Variants in S100B observed in about 807,000 individuals in gnomAD.
S100B encodes the protein S100 calcium binding protein B.
Under a neutral mutation model 7.7 loss-of-function variants are expected in S100B, and 6 were observed. The ratio of observed to expected loss-of-function variants is 0.78; its 90% confidence interval spans 0.43 to 1.54. S100B has a LOEUF of 1.54. Ranked by LOEUF, S100B falls within the 40% of genes most tolerant of loss-of-function variation. The pLI is 0.01. For synonymous variants in S100B, 36 were observed against 40.4 expected (o/e 0.89, Z 0.41); for missense variants, 99 against 111.8 (o/e 0.89, Z 0.52).
rs11542306 is a variant in S100B, at chr21:46,599,459, C to T, written c.183G>A (p.Leu61=). The change falls in exon 3 of 3, where the codon CTG becomes CTA. Residue 61 remains leucine, a synonymous_variant. Coordinates refer to ENST00000291700, the MANE Select transcript of S100B (RefSeq NM_006272.3). ...QEVVDKVMET[L]DNDGDGECDF... is the part of the protein sequence containing the mutation. Reference sequence around the variant, plus strand: ...CACATTCGCCGTCTCCATCATTGTCCAGTGTTTCCATGACTTTGTCCACAA... The same window carrying T: ...CACATTCGCCGTCTCCATCATTGTCTAGTGTTTCCATGACTTTGTCCACAA... 1.2e-6 allele frequency: 2 copies of T among 1,613,862 alleles called. No homozygotes were observed. Among genetic ancestry groups the T allele is most frequent in the Non-Finnish European group, 1.7e-6 (2 of 1,179,838 alleles).
chr21:46,599,234 G>C lies in S100B; in HGVS notation c.*129C>G. ...AGGTTTTCAATTTTTCAATCACAAA[G>C]CAAATCAAGCTTCCTAATTAGCTAC... On this transcript the variant is annotated 3_prime_UTR_variant, in exon 3 of 3. Coordinates refer to ENST00000291700, the MANE Select transcript of S100B (RefSeq NM_006272.3). 3.5e-6 allele frequency: 3 copies of C among 852,240 alleles called. No individual in the cohort carries two copies. In the South Asian group the frequency reaches 5.0e-5, roughly 14 times the overall value. The allele number at this position is 852,240 out of a possible 1,614,324, so 52.8% of individuals were successfully genotyped here. A position where few individuals can be genotyped will look rare whatever the true frequency, so the allele number is the denominator to read the frequency against.
At chr21:46,603,485 C>T (rs1470053138) in intron 1 of S100B, among the ~76,000 whole-genome samples, 3 of 151,260 alleles carry the variant, frequency 2.0e-5, no homozygotes, top group Non-Finnish European at 2.9e-5. Flanking sequence ...CCACAGCCTA[C>T]GAACCAAGGA....
At chr21:46,599,622 A>G in intron 2 of S100B, 119 bp from the exon 3 acceptor site, 1 of 897,814 alleles carries the variant, frequency 1.1e-6, no homozygotes, top group South Asian at 1.4e-5. Flanking sequence ...AAGAACATCA[A>G]ATGCAAAATA....
intron 2 of S100B, among the ~76,000 whole-genome samples, chr21:46,601,462 C>T (rs2061041133): frequency 6.6e-6 from 1 of 152,154 alleles, no homozygotes; most frequent in African/African-American, 2.4e-5. Context: ...CAGTTCACTT[C>T]CATGAGGGCA....
chr21:46,604,436 T>G (rs2061051823), intron 1 of S100B, among the ~76,000 whole-genome samples: 1 of 152,096 alleles, frequency 6.6e-6, no homozygotes, highest in Non-Finnish European at 1.5e-5. Flanking sequence ...CTGAGGAAAG[T>G]TAAAACCCAC....
intron 1 of S100B, among the ~76,000 whole-genome samples, chr21:46,604,152 T>C (rs1569137839): frequency 6.6e-6 from 1 of 152,170 alleles, no homozygotes; most frequent in South Asian, 2.1e-4. Context: ...CACTAGAAAA[T>C]ATGGTTTTCT....
chr21:46,602,671 T>C (rs1482357546), intron 1 of S100B: 2 of 356,472 alleles, frequency 5.6e-6, no homozygotes, highest in Non-Finnish European at 1.0e-5. Flanking sequence ...TATATTCCCA[T>C]GCCCTCTGAA....
In S100B at chr21:46,599,313, T is replaced by G. The variant is rs1255354287; in HGVS notation, c.*50A>C. ...AGGCTGCAAGCCCTTGCTGTCTGCT[T>G]TCTTGCATGACCGTCTCTGTTACAG... On this transcript the variant is annotated 3_prime_UTR_variant, in exon 3 of 3. Transcript: ENST00000291700. 4 of 1,579,798 alleles carry G rather than the reference T, an allele frequency of 2.5e-6. No homozygotes were observed. The highest frequency in any genetic ancestry group is 3.5e-6 in the Non-Finnish European group (4 of 1,155,030).
At chr21:46,603,578 G>T (rs1325026639) in intron 1 of S100B, among the ~76,000 whole-genome samples, 1 of 152,202 alleles carries the variant, frequency 6.6e-6, no homozygotes, top group Admixed American at 6.5e-5. Context: ...CGCAGTCAGA[G>T]AAATTTACCA....
intron 2 of S100B, 86 bp from the exon 3 acceptor site, chr21:46,599,589 A>G (rs1248658466): frequency 8.4e-7 from 1 of 1,186,854 alleles, no homozygotes; most frequent in Admixed American, 1.8e-5. Context: ...AGTGACTCTG[A>G]TAATTTGTGT....
At chr21:46,603,532 A>G (rs954632909) in intron 1 of S100B, among the ~76,000 whole-genome samples, 3 of 152,192 alleles carry the variant, frequency 2.0e-5, no homozygotes, top group African/African-American at 7.2e-5. Context: ...CGCATTTTAC[A>G]AAGGTTGCCT....
Position 46,602,401 on chromosome 21 carries a change from C to T in S100B, c.15G>A (p.Glu5=), listed in dbSNP as rs781093390. Residue 5 remains glutamate (E), a synonymous_variant, in exon 2 of 3, where the codon GAG becomes GAA. Coordinates refer to ENST00000291700, the MANE Select transcript of S100B (RefSeq NM_006272.3). The part of the protein sequence containing the change: MSEL[E]KAMVALIDVF... ...CGTCGATGAGGGCCACCATGGCCTT[C>T]TCCAGCTCAGACATCCTAGGGGCTC... The T allele has an allele frequency of 3.1e-6, 5 of 1,613,676 alleles. No homozygotes were observed. Among genetic ancestry groups the T allele is most frequent in the East Asian group, 2.2e-5 (1 of 44,896 alleles).
rs2061034880 is a variant in S100B, at chr21:46,599,308, C to CT, written c.*54dup. The CT allele has an allele frequency of 6.4e-7, 1 of 1,556,662 alleles. No individual in the cohort carries two copies. The highest frequency in any genetic ancestry group is 8.8e-7 in the Non-Finnish European group (1 of 1,136,142). ...CTACTAGGCTGCAAGCCCTTGCTGT[C>CT]TGCTTTCTTGCATGACCGTCTCTGT... On this transcript the variant is annotated 3_prime_UTR_variant, in exon 3 of 3. Transcript: ENST00000291700.
Position 46,598,627 on chromosome 21 carries a change from G to T in S100B, c.*736C>A, listed in dbSNP as rs560569752. 2.6e-5 allele frequency among the ~76,000 whole-genome samples: 4 copies of T among 152,318 alleles called. No homozygotes were observed. The South Asian group carries it at 8.3e-4, about 32-fold the overall frequency. The stretch of plus-strand genomic sequence containing the variant: ...CCTCCCAAGCTGCGCTCTTTTTATT[G>T]AACGCAGGCCCTCGCGGTGGCTCAG... On this transcript the variant is annotated 3_prime_UTR_variant, in exon 3 of 3. Coordinates refer to ENST00000291700, the MANE Select transcript of S100B (RefSeq NM_006272.3).
rs1228218315 is a variant in S100B, at chr21:46,600,475, G to T, written c.139-972C>A. On this transcript the variant is annotated intron_variant, in intron 2 of 2. Transcript: ENST00000291700. Reference sequence around the variant, plus strand: ...GCGGAGGATCGCTTGAGCCTGGGAGGTTGAGGCTGCAATGAGCCAAGATTG... The same window carrying T: ...GCGGAGGATCGCTTGAGCCTGGGAGTTTGAGGCTGCAATGAGCCAAGATTG... 8.3e-6 allele frequency: 3 copies of T among 360,944 alleles called. No homozygotes were observed. The East Asian group carries it at 3.0e-4, about 36-fold the overall frequency. 22.4% of individuals were successfully genotyped at this position (360,944 alleles called of 1,614,324 possible). A position where few individuals can be genotyped will look rare whatever the true frequency, so the allele number is the denominator to read the frequency against.
chr21:46,602,726 G>T, intron 1 of S100B: 1 of 248,630 alleles, frequency 4.0e-6, no homozygotes, highest in East Asian at 8.1e-5. Context: ...AAAATACAGA[G>T]GCAGAGCAGC....
In S100B at chr21:46,603,392, A is replaced by AGGGGGTGG. The variant is rs796474856; in HGVS notation, c.-1-984_-1-977dup. ...TCACTGCAGTGACTGGGACGGCGGG[A>AGGGGGTGG]GGGGGTGGGGGCAGGAATAGGTGTT... On this transcript the variant is annotated intron_variant, in intron 1 of 2. Coordinates refer to ENST00000291700, the MANE Select transcript of S100B (RefSeq NM_006272.3). Among the ~76,000 whole-genome samples the AGGGGGTGG allele has an allele frequency of 7.9e-5, 3 of 38,206 alleles. 1 individual carries two copies. The highest frequency in any genetic ancestry group is 3.1e-4 in the African/African-American group (3 of 9,742). The allele number at this position is 38,206 out of a possible 152,430, so 25.1% of individuals were successfully genotyped here.
rs1489280059 is a variant in S100B at position 46,602,195 on chromosome 21, G to A, written c.138+83C>T. On this transcript the variant is annotated intron_variant, in intron 2 of 2. Coordinates refer to ENST00000291700, the MANE Select transcript of S100B (RefSeq NM_006272.3). ...GGAAGGGAAATGAAATCACCTTCAG[G>A]GCAGCTGAGAAGATAAAGCCAGTGT... 6 of 1,281,892 alleles carry A rather than the reference G, an allele frequency of 4.7e-6. No individual in the cohort carries two copies. In the African/African-American group the frequency reaches 5.9e-5, roughly 13 times the overall value. 79.4% of individuals were successfully genotyped at this position (1,281,892 alleles called of 1,614,324 possible). A position where few individuals can be genotyped will look rare whatever the true frequency, so the allele number is the denominator to read the frequency against.
chr21:46,602,253 G>T, intron 2 of S100B, 25 bp downstream of exon 2: 1 of 1,602,262 alleles, frequency 6.2e-7, no homozygotes, highest in East Asian at 2.2e-5. Context: ...TGGAGAAAGT[G>T]TCAAGTTTAA....
Sources: allele counts gnomAD v4.1 joint callset (sites outside exome capture counted in the v4.1 genomes callset), GRCh38; gene constraint gnomAD v4.1.1; transcripts MANE v1.5; gene names NCBI Gene and HGNC (gene_info 2026-07-23, HGNC 2026-07-21).